The following AGBL5 variants were observed in gnomAD, a reference collection of about 807,000 sequenced individuals.
The protein encoded by AGBL5 is cytosolic carboxypeptidase-like protein 5.
Under a neutral mutation model 88.0 loss-of-function variants are expected in AGBL5, and 51 were observed. The observed-to-expected ratio is 0.58, with a 90% CI of 0.46 to 0.73. The LOEUF (loss-of-function observed/expected upper bound fraction) is 0.73, where lower values mean the gene tolerates loss of function less well. Among genes scored for constraint, AGBL5 ranks in the 30% least tolerant of loss-of-function variants. The pLI is 0.00. For synonymous variants in AGBL5, 446 were observed against 438.8 expected (o/e 1.02, Z -0.21); for missense variants, 1,031 against 1,162.2 (o/e 0.89, Z 1.64).
rs2148270392 is a variant in AGBL5 at position 27,053,910 on chromosome 2, G to A, written c.402G>A (p.Gln134=). The A allele has an allele frequency of 6.2e-7, 1 of 1,613,584 alleles. No individual in the cohort carries two copies. The highest frequency in any genetic ancestry group is 8.5e-7 in the Non-Finnish European group (1 of 1,179,630). ...DRPTFEMTET[Q]FVLSFVHRFV... The stretch of plus-strand genomic sequence containing the variant: ...CTGCTCTTCAGATGACAGAGACGCA[G>A]TTTGTGTTATCCTTTGTTCATCGTT... The change falls in exon 4 of 15, where the codon CAG becomes CAA. Residue 134 remains glutamine, a synonymous_variant. Transcript: ENST00000360131. The surrounding 1 kb of genome is among the most constrained non-coding windows in gnomAD (Gnocchi z 4.9).
intron 11 of AGBL5, among the ~76,000 whole-genome samples, chr2:27,063,129 G>A (rs527801080): frequency 4.1e-4 from 63 of 152,320 alleles, no homozygotes; most frequent in South Asian, 1.2e-3. Flanking sequence ...GAAGACAGAG[G>A]AACTAAGAGG....
Position 27,053,424 on chromosome 2 carries a change from C to T in AGBL5, c.238C>T (p.Arg80Trp), listed in dbSNP as rs762250069. 2.1e-5 allele frequency: 34 copies of T among 1,613,966 alleles called. No homozygotes were observed. The highest frequency in any genetic ancestry group is 1.3e-4 in the East Asian group (6 of 44,876). The change falls in exon 3 of 15, where the codon CGG (arginine) becomes TGG (tryptophan). Residue 80 changes from arginine (R) to tryptophan (W), a missense_variant. Transcript: ENST00000360131. The surrounding 1 kb of genome is among the most constrained non-coding windows in gnomAD (Gnocchi z 4.9). ...GNRSWFYFSVRGGMPGKLIKI... is the reference protein window; with the variant it reads ...GNRSWFYFSVWGGMPGKLIKI... ...CAGGTCATGGTTCTACTTCAGCGTC[C>T]GGGGAGGAATGCCAGGAAAACTCAT...
At chr2:27,067,668 A>C in intron 12 of AGBL5, 22 bp downstream of exon 12, 1 of 1,607,862 alleles carries the variant, frequency 6.2e-7, no homozygotes, top group Non-Finnish European at 8.5e-7. Flanking sequence ...CTGCCACTGA[A>C]ATCTGGGTTT....
At position 27,069,506 on chromosome 2, in the gene AGBL5, G is replaced by A; in HGVS notation, c.2356-67G>A. 3 of 1,583,740 alleles carry A rather than the reference G, an allele frequency of 1.9e-6. No individual in the cohort carries two copies. The South Asian group carries it at 3.4e-5, about 18-fold the overall frequency. Reference sequence around the variant, plus strand: ...AACACTCTTATGCATGGAAACTCTAGAAGCAAACTAAAAGCAAAAAACTCA... The same window carrying A: ...AACACTCTTATGCATGGAAACTCTAAAAGCAAACTAAAAGCAAAAAACTCA... On this transcript the variant is annotated intron_variant, in intron 13 of 14. Coordinates refer to ENST00000360131, the MANE Select transcript of AGBL5 (RefSeq NM_021831.6).
chr2:27,057,183 C>T (rs1227210133), intron 8 of AGBL5, 120 bp from the exon 9 acceptor site: 10 of 1,166,478 alleles, frequency 8.6e-6, no homozygotes, highest in East Asian at 7.3e-5. Flanking sequence ...ATTATTAGCA[C>T]TTTCATTTGT....
Position 27,056,671 on chromosome 2 carries a change from T to C in AGBL5, c.1414T>C (p.Phe472Leu). 3.1e-6 allele frequency: 5 copies of C among 1,613,546 alleles called. No individual in the cohort carries two copies. Among genetic ancestry groups the C allele is most frequent in the Non-Finnish European group, 4.2e-6 (5 of 1,179,594 alleles). Residue 472 changes from phenylalanine to leucine, a missense_variant, in exon 8 of 15, where the codon TTC becomes CTC. By Grantham distance (22) the Phe-to-Leu change is conservative (BLOSUM62 0). Around this residue, in one of 2 missense-constraint regions of AGBL5, gnomAD observed 540 missense variants for 678.2 expected, o/e 0.80. Coordinates refer to ENST00000360131, the MANE Select transcript of AGBL5 (RefSeq NM_021831.6). ...GCTCATCTCCTTGAATTCAGCCCAC[T>C]TCGACTTCCAGGGCTGCAATTTCTC... is the stretch of plus-strand genomic sequence containing the variant. The part of the protein sequence containing the change: ...PKLISLNSAH[F>L]DFQGCNFSEK...
intron 11 of AGBL5, among the ~76,000 whole-genome samples, chr2:27,065,163 C>T (rs1412066107): frequency 3.3e-5 from 5 of 152,154 alleles, no homozygotes; most frequent in Non-Finnish European, 5.9e-5. Flanking sequence ...ATATCCAACA[C>T]GTTTATTAAT....
chr2:27,051,355 G>A (rs1315208965), upstream of AGBL5: 4 of 152,222 alleles, frequency 2.6e-5, no homozygotes, highest in Non-Finnish European at 5.9e-5. Flanking sequence ...TGGGCTACGT[G>A]TTTCATTTTA....
Position 27,055,089 on chromosome 2 carries a change from C to T in AGBL5, c.744C>T (p.Ser248=). 6.2e-7 allele frequency: 1 copy of T among 1,614,012 alleles called. No individual in the cohort carries two copies. Among genetic ancestry groups the T allele is most frequent in the Non-Finnish European group, 8.5e-7 (1 of 1,179,870 alleles). The part of the protein sequence containing the change: ...RFAGKRIFFL[S]SRVHPGETPS... Reference sequence around the variant, plus strand: ...CTCTACCTCAGATATTCTTCTTAAGCAGTAGAGTACACCCAGGGGAGACTC... The same window carrying T: ...CTCTACCTCAGATATTCTTCTTAAGTAGTAGAGTACACCCAGGGGAGACTC... Residue 248 remains serine, a synonymous_variant, in exon 6 of 15, where the codon AGC becomes AGT. Transcript: ENST00000360131.
upstream of AGBL5, among the ~76,000 whole-genome samples, chr2:27,051,210 A>C (rs566869798): frequency 2.6e-5 from 4 of 152,222 alleles, no homozygotes; most frequent in Admixed American, 2.6e-4. Context: ...ACTAAGCAGC[A>C]GGCGGGGGAT....
At chr2:27,056,483 T>C (rs1329016902) in intron 7 of AGBL5, 140 bp from the exon 8 acceptor site, 1 of 774,788 alleles carries the variant, frequency 1.3e-6, no homozygotes, top group Non-Finnish European at 2.0e-6. Flanking sequence ...AAACTGAGAA[T>C]TCAGGCAGCA....
chr2:27,051,463 G>A (rs2148261728), upstream of AGBL5: 1 of 152,288 alleles, frequency 6.6e-6, no homozygotes, highest in Non-Finnish European at 1.5e-5. Context: ...CCCGCCTCCC[G>A]GCAGGCAGGC....
At chr2:27,064,752 C>CTTTTTT (rs58558379) in intron 11 of AGBL5, among the ~76,000 whole-genome samples, 3 of 62,762 alleles carry the variant, frequency 4.8e-5, no homozygotes, top group Non-Finnish European at 5.4e-5. Context: ...GGTTTGGAAC[C>CTTTTTT]TTTTTTTTTT....
At position 27,056,737 on chromosome 2, in the gene AGBL5, T is replaced by A; in HGVS notation, c.1480T>A (p.Ser494Thr). The A allele has an allele frequency of 2.5e-6, 4 of 1,613,590 alleles. No individual in the cohort carries two copies. Among genetic ancestry groups the A allele is most frequent in the Non-Finnish European group, 3.4e-6 (4 of 1,179,666 alleles). The stretch of plus-strand genomic sequence containing the variant: ...TGCCCGAGACCGTAGAGATGGCCAG[T>A]CTAAAGAGGGAAGCGGCCGTGTTGC... The part of the protein sequence containing the change: ...MYARDRRDGQ[S>T]KEGSGRVAIY... The change falls in exon 8 of 15, where the codon TCT (serine) becomes ACT (threonine). Residue 494 changes from serine to threonine, a missense_variant. Physicochemically the swap from Ser to Thr is moderately conservative, Grantham distance 58. This residue lies in a region of AGBL5 where 540 missense variants were observed against 678.2 expected (regional missense o/e 0.80). Coordinates refer to ENST00000360131, the MANE Select transcript of AGBL5 (RefSeq NM_021831.6).
Position 27,053,735 on chromosome 2 carries a change from C to T in AGBL5, c.388-161C>T. The T allele has an allele frequency of 7.4e-7, 1 of 1,357,938 alleles. No individual in the cohort carries two copies. The highest frequency in any genetic ancestry group is 9.9e-7 in the Non-Finnish European group (1 of 1,008,924). 84.1% of individuals were successfully genotyped at this position (1,357,938 alleles called of 1,614,324 possible). A position where few individuals can be genotyped will look rare whatever the true frequency, so the allele number is the denominator to read the frequency against. On this transcript the variant is annotated intron_variant, in intron 3 of 14. Coordinates refer to ENST00000360131, the MANE Select transcript of AGBL5 (RefSeq NM_021831.6). The surrounding 1 kb of genome is among the most constrained non-coding windows in gnomAD (Gnocchi z 4.9). ...GCTAGAGTCCAAGATGAGCCCCTGC[C>T]TCAGGAAGCCTAGAAGGAGCCACTT...
chr2:27,053,833 C>T lies in AGBL5; in HGVS notation c.388-63C>T. 6.5e-7 allele frequency: 1 copy of T among 1,549,332 alleles called. No homozygotes were observed. Among genetic ancestry groups the T allele is most frequent in the South Asian group, 1.2e-5 (1 of 81,012 alleles). ...GGTGTGAGGTCAGTTCCTGGTGGTC[C>T]CAGTAGGAGCTCAGTTCTGACAATG... On this transcript the variant is annotated intron_variant, in intron 3 of 14. Transcript: ENST00000360131. This position sits in a 1 kb window ranked among gnomAD's most constrained non-coding sequence, Gnocchi z 4.9.
At chr2:27,066,066 C>CT (rs1668971490) in intron 11 of AGBL5, among the ~76,000 whole-genome samples, 2 of 152,078 alleles carry the variant, frequency 1.3e-5, no homozygotes, top group South Asian at 4.1e-4. Context: ...CCAGACCACC[C>CT]TGGGCAACAT....
chr2:27,063,737 C>T (rs569193464), intron 11 of AGBL5, among the ~76,000 whole-genome samples: 1 of 152,244 alleles, frequency 6.6e-6, no homozygotes, highest in East Asian at 1.9e-4. Flanking sequence ...ACACACAGGA[C>T]CTTGGCACAA....
At chr2:27,066,053 GT>G (rs1451800270) in intron 11 of AGBL5, among the ~76,000 whole-genome samples, 1 of 152,068 alleles carries the variant, frequency 6.6e-6, no homozygotes, top group African/African-American at 2.4e-5. Flanking sequence ...GAGCCCATGA[GT>G]TCCAGACCAC....
Sources: allele counts gnomAD v4.1 joint callset (sites outside exome capture counted in the v4.1 genomes callset), GRCh38; gene constraint gnomAD v4.1.1; regional missense constraint gnomAD v4.1.1; non-coding constraint Gnocchi (gnomAD v3.1); transcripts MANE v1.5; gene names NCBI Gene and HGNC (gene_info 2026-07-23, HGNC 2026-07-21).